Variants in WWC1 observed in about 807,000 individuals in gnomAD.
WWC1 encodes the protein WW and C2 domain containing 1.
In WWC1, 55 loss-of-function variants were observed where a neutral mutation model predicts 138.4. The ratio of observed to expected loss-of-function variants is 0.40; its 90% confidence interval spans 0.32 to 0.50. The LOEUF is 0.50. Among genes scored for constraint, WWC1 ranks in the 20% least tolerant of loss-of-function variants. The probability of loss-of-function intolerance (pLI) is 0.72; values close to 1 mark genes in which losing one functional copy is unlikely to be tolerated. For missense variants in WWC1, 1,226 were observed against 1,420.4 expected, an observed-to-expected ratio of 0.86 and a Z score of 2.20; for synonymous variants, 524 against 564.9, an observed-to-expected ratio of 0.93 and a Z score of 1.03.
intron 1 of WWC1, among the ~76,000 whole-genome samples, chr5:168,299,982 G>A (rs750011296): frequency 2.8e-4 from 42 of 152,176 alleles, no homozygotes; most frequent in Non-Finnish European, 5.3e-4. Context: ...ACTTCACTTG[G>A]AGAAGTGGCC....
intron 1 of WWC1, among the ~76,000 whole-genome samples, chr5:168,336,082 C>G (rs1581953213): frequency 6.6e-6 from 1 of 152,176 alleles, no homozygotes; most frequent in African/African-American, 2.4e-5. Context: ...TCTCATTGAA[C>G]CCTGGTATGC....
chr5:168,415,814 GCGTGTGTGTGTGT>G lies in WWC1; in HGVS notation c.1184+1225_1184+1237del, dbSNP rs1651653895. On this transcript the variant is annotated intron_variant, in intron 9 of 22. Transcript: ENST00000265293. Reference sequence around the variant, plus strand: ...GTGTGTGTGTGGGGGGGGGGGGGGGGCGTGTGTGTGTGTGTGTGTGTGTGTGTGTGTGTGTGTG... The same window carrying G: ...GTGTGTGTGTGGGGGGGGGGGGGGGGGTGTGTGTGTGTGTGTGTGTGTGTG... The G allele has an allele frequency of 4.8e-5, 2 of 41,458 alleles. 1 individual carries two copies. The highest frequency in any genetic ancestry group is 1.9e-4 in the African/African-American group (2 of 10,644). 2.6% of individuals were successfully genotyped at this position (41,458 alleles called of 1,614,324 possible).
At chr5:168,397,388 C>T (rs1383627421) in intron 3 of WWC1, among the ~76,000 whole-genome samples, 1 of 152,214 alleles carries the variant, frequency 6.6e-6, no homozygotes, top group Non-Finnish European at 1.5e-5. Flanking sequence ...GGTGATCCCC[C>T]TGCCTCAGCC....
At chr5:168,385,538 C>T (rs1354775846) in intron 3 of WWC1, 124 bp downstream of exon 3, 2 of 979,288 alleles carry the variant, frequency 2.0e-6, no homozygotes, top group East Asian at 2.6e-5. Flanking sequence ...TCCAAACCAC[C>T]ATCTTGTTTA....
chr5:168,392,971 A>T lies in WWC1; in HGVS notation c.434-4753A>T, dbSNP rs1311176807. Among the ~76,000 whole-genome samples the T allele has an allele frequency of 2.0e-5, 3 of 152,274 alleles. No homozygotes were observed. In the South Asian group the frequency reaches 6.2e-4, roughly 32 times the overall value. Reference sequence around the variant, plus strand: ...ACAAGAACACGGTACTACATTGTTTAAAAAGGAACCTTCAGAGAATAAAAA... The same window carrying T: ...ACAAGAACACGGTACTACATTGTTTTAAAAGGAACCTTCAGAGAATAAAAA... On this transcript the variant is annotated intron_variant, in intron 3 of 22. Coordinates refer to ENST00000265293, the MANE Select transcript of WWC1 (RefSeq NM_015238.3).
chr5:168,384,716 T>TTC (rs1425352816), intron 2 of WWC1, among the ~76,000 whole-genome samples: 1 of 133,258 alleles, frequency 7.5e-6, no homozygotes, highest in Non-Finnish European at 1.6e-5. Context: ...GTTTATTCTT[T>TTC]TTTTTTTTTT....
chr5:168,363,934 TGTGGTGATG>T (rs964789869), intron 1 of WWC1, among the ~76,000 whole-genome samples: 1 of 151,976 alleles, frequency 6.6e-6, no homozygotes, highest in Non-Finnish European at 1.5e-5. Flanking sequence ...TAATGGTGGG[TGTGGTGATG>T]GTGGTGATGA....
rs749208276 is a variant in WWC1, at chr5:168,471,754, G to A, written c.*2737G>A. Reference sequence around the variant, plus strand: ...TCTTCCCAAGGCTACCTCTGGCCATGGTTCCAGCTTCATGGGGGCAATGGG... The same window carrying A: ...TCTTCCCAAGGCTACCTCTGGCCATAGTTCCAGCTTCATGGGGGCAATGGG... On this transcript the variant is annotated 3_prime_UTR_variant, in exon 23 of 23. Transcript: ENST00000265293. 6.6e-6 allele frequency: 1 copy of A among 152,316 alleles called. No individual in the cohort carries two copies. Among genetic ancestry groups the A allele is most frequent in the Non-Finnish European group, 1.5e-5 (1 of 68,112 alleles). The allele number at this position is 152,316 out of a possible 1,614,324, so 9.4% of individuals were successfully genotyped here. A position where few individuals can be genotyped will look rare whatever the true frequency, so the allele number is the denominator to read the frequency against.
chr5:168,422,169 C>A, intron 10 of WWC1, 72 bp downstream of exon 10: 1 of 1,444,588 alleles, frequency 6.9e-7, no homozygotes, highest in East Asian at 2.3e-5. Context: ...TGTCCCAGCC[C>A]AGGCTCTACC....
At chr5:168,411,981 C>A (rs1316835841) in intron 8 of WWC1, 1 of 985,236 alleles carries the variant, frequency 1.0e-6, no homozygotes, top group Non-Finnish European at 1.2e-6. Context: ...TAGAAAAAAA[C>A]AGATGTCCTA....
At chr5:168,316,674 G>A (rs1464724497) in intron 1 of WWC1, 1 of 152,392 alleles carries the variant, frequency 6.6e-6, no homozygotes, top group Non-Finnish European at 1.5e-5. Context: ...GCAGCTGAGG[G>A]CTAAGTGCAC....
chr5:168,341,628 T>A (rs1218429599), intron 1 of WWC1, among the ~76,000 whole-genome samples: 1 of 151,916 alleles, frequency 6.6e-6, no homozygotes, highest in Non-Finnish European at 1.5e-5. Context: ...TCTCCTCTCC[T>A]CTAGGTAGCT....
chr5:168,299,717 C>T (rs966387930), intron 1 of WWC1, among the ~76,000 whole-genome samples: 9 of 152,178 alleles, frequency 5.9e-5, no homozygotes, highest in South Asian at 2.1e-4. Context: ...AAGGTTGGCA[C>T]GCCAAGTTCA....
rs552889839 is a variant in WWC1 at position 168,454,754 on chromosome 5, T to C, written c.2659-602T>C. On this transcript the variant is annotated intron_variant, in intron 18 of 22. Transcript: ENST00000265293. ...CCTCCACACCAAGGGGGCATCATTT[T>C]GCAATTTCTCCAGCCAGTGGGCGTG... Among the ~76,000 whole-genome samples the C allele has an allele frequency of 2.0e-5, 3 of 152,354 alleles. No homozygotes were observed. The East Asian group carries it at 5.8e-4, about 29-fold the overall frequency.
At chr5:168,419,682 G>T (rs952807341) in intron 9 of WWC1, among the ~76,000 whole-genome samples, 5 of 152,218 alleles carry the variant, frequency 3.3e-5, no homozygotes, top group Non-Finnish European at 7.3e-5. Context: ...GACTAGTCTA[G>T]TAGACACATG....
At chr5:168,463,310 T>C (rs1389342124) in intron 20 of WWC1, among the ~76,000 whole-genome samples, 1 of 152,228 alleles carries the variant, frequency 6.6e-6, no homozygotes, top group Non-Finnish European at 1.5e-5. Context: ...ATCCAGGCAC[T>C]GCCTCCAGAT....
chr5:168,468,781 C>T (rs1232515902), intron 22 of WWC1, among the ~76,000 whole-genome samples, 170 bp from the exon 23 acceptor site: 1 of 152,184 alleles, frequency 6.6e-6, no homozygotes, highest in African/African-American at 2.4e-5. Flanking sequence ...GTTGTCATAA[C>T]TGGAGGTCAA....
chr5:168,457,470 A>T (rs1022423302), intron 19 of WWC1, among the ~76,000 whole-genome samples: 3 of 152,180 alleles, frequency 2.0e-5, no homozygotes, highest in African/African-American at 7.2e-5. Flanking sequence ...CGCGTGTCTC[A>T]GTCTGTAACT....
intron 17 of WWC1, among the ~76,000 whole-genome samples, chr5:168,448,798 T>C (rs1443008772): frequency 6.6e-6 from 1 of 152,008 alleles, no homozygotes; most frequent in African/African-American, 2.4e-5. Context: ...TTTTGTGTTT[T>C]TTAGTAGAGA....
Sources: allele counts gnomAD v4.1 joint callset (sites outside exome capture counted in the v4.1 genomes callset), GRCh38; gene constraint gnomAD v4.1.1; transcripts MANE v1.5; gene names NCBI Gene and HGNC (gene_info 2026-07-23, HGNC 2026-07-21).